The following PLXNA1 variants were observed in gnomAD, a reference collection of about 807,000 sequenced individuals.
PLXNA1 encodes plexin A1, also known as plexin-A1.
A neutral mutation model predicts 191.7 loss-of-function variants in PLXNA1; 77 were observed. The ratio of observed to expected loss-of-function variants is 0.40; its 90% CI spans 0.33 to 0.49. PLXNA1 has a LOEUF of 0.49. PLXNA1 is among the 20% of genes least tolerant of loss of function. PLXNA1 has a pLI of 0.63. For missense variants in PLXNA1, 2,110 were observed against 2,660.2 expected (o/e 0.79, Z 4.55); for synonymous variants, 1,137 against 1,156.4 (o/e 0.98, Z 0.34).
chr3:126,998,447 C>T (rs558853143), intron 3 of PLXNA1, among the ~76,000 whole-genome samples: 34 of 152,160 alleles, frequency 2.2e-4, no homozygotes, highest in Non-Finnish European at 4.3e-4. Flanking sequence ...GTGCTGGTGA[C>T]AGCCTGGCTG....
At chr3:126,991,811 G>A (rs1015949159) in intron 3 of PLXNA1, among the ~76,000 whole-genome samples, 3 of 152,172 alleles carry the variant, frequency 2.0e-5, no homozygotes, top group Admixed American at 2.0e-4. Context: ...CCACGCAGGA[G>A]CCTGTGCAGG....
rs758015230 is a variant in PLXNA1 at position 126,989,430 on chromosome 3, G to A, written c.837G>A (p.Thr279=). The stretch of plus-strand genomic sequence containing the variant: ...ATGCCGCCGGCGAGCACTTCTTCAC[G>A]TCCAAGATCGTGCGGCTCTGTGTGG... ...SPDAAGEHFF[T]SKIVRLCVDD... is the part of the protein sequence containing the mutation. The change falls in exon 2 of 32, where the codon ACG becomes ACA. Residue 279 remains threonine, a synonymous_variant. Transcript: ENST00000393409. 72 of 1,613,472 alleles carry A rather than the reference G, an allele frequency of 4.5e-5. No individual in the cohort carries two copies. In the South Asian group the frequency reaches 5.5e-4, roughly 12 times the overall value.
At chr3:127,019,981 C>A (rs1559963531) in intron 20 of PLXNA1, among the ~76,000 whole-genome samples, 1 of 152,228 alleles carries the variant, frequency 6.6e-6, no homozygotes, top group Non-Finnish European at 1.5e-5. Flanking sequence ...TTTCTCTGCC[C>A]TTGTCTTGCT....
chr3:127,029,886 G>C lies in PLXNA1; in HGVS notation c.4883G>C (p.Arg1628Pro). 6.2e-7 allele frequency: 1 copy of C among 1,609,454 alleles called. No individual in the cohort carries two copies. The highest frequency in any genetic ancestry group is 8.5e-7 in the Non-Finnish European group (1 of 1,177,270). Reference protein sequence around the residue: ...KSLSRYESMLRTASSPDSLRS... With the variant: ...KSLSRYESMLPTASSPDSLRS... Reference sequence around the variant, plus strand: ...CCTGGTGCTGCAGAGAGCATGCTGCGCACGGCCAGCAGCCCCGACAGCCTG... The same window carrying C: ...CCTGGTGCTGCAGAGAGCATGCTGCCCACGGCCAGCAGCCCCGACAGCCTG... The change falls in exon 28 of 32, where the codon CGC becomes CCC. Residue 1628 changes from arginine to proline, a missense_variant. Arg to Pro is a moderately radical substitution (Grantham distance 103). Coordinates refer to ENST00000393409, the MANE Select transcript of PLXNA1 (RefSeq NM_032242.4).
In PLXNA1 at chr3:127,034,283, C is replaced by A; in HGVS notation, c.*266C>A. 1 of 410,618 alleles carries A rather than the reference C, an allele frequency of 2.4e-6. No homozygotes were observed. The highest frequency in any genetic ancestry group is 4.4e-6 in the Non-Finnish European group (1 of 228,384). 25.4% of individuals were successfully genotyped at this position (410,618 alleles called of 1,614,324 possible). A position where few individuals can be genotyped will look rare whatever the true frequency, so the allele number is the denominator to read the frequency against. On this transcript the variant is annotated 3_prime_UTR_variant, in exon 32 of 32. Coordinates refer to ENST00000393409, the MANE Select transcript of PLXNA1 (RefSeq NM_032242.4). ...CTGGGTGCTCAGGCTGGCCAAGGAC[C>A]TTCATTGCCTGGCAAGAGCTGCCCA...
At position 127,020,384 on chromosome 3, in the gene PLXNA1, G is replaced by A. The variant is rs565518777; in HGVS notation, c.4038+40G>A. 1.1e-5 allele frequency: 18 copies of A among 1,604,780 alleles called. No individual in the cohort carries two copies. The Admixed American group carries it at 1.8e-4, about 16-fold the overall frequency. The stretch of plus-strand genomic sequence containing the variant: ...TCCGGGGGGTCACAGGAACTCAGAG[G>A]CAGCTGCTATCTTCTGCCTTTGAGG... On this transcript the variant is annotated intron_variant, in intron 21 of 31. Coordinates refer to ENST00000393409, the MANE Select transcript of PLXNA1 (RefSeq NM_032242.4).
Position 127,006,066 on chromosome 3 carries a change from G to T in PLXNA1, c.1898-13G>T. The T allele has an allele frequency of 6.2e-7, 1 of 1,609,086 alleles. No homozygotes were observed. The highest frequency in any genetic ancestry group is 8.5e-7 in the Non-Finnish European group (1 of 1,175,704). On this transcript the variant is annotated splice_polypyrimidine_tract_variant and intron_variant, in intron 7 of 31. Coordinates refer to ENST00000393409, the MANE Select transcript of PLXNA1 (RefSeq NM_032242.4). ...CAAGCAGTCCTGGTGACTCAGCCATGCTGCTCGTGCAGGAGACCAGCGGGT... is the reference window on the plus strand; with the variant it reads ...CAAGCAGTCCTGGTGACTCAGCCATTCTGCTCGTGCAGGAGACCAGCGGGT...
Position 127,029,569 on chromosome 3 carries a change from G to GA in PLXNA1, c.4870+33_4870+34insA, listed in dbSNP as rs1559966681. On this transcript the variant is annotated intron_variant, in intron 27 of 31. Coordinates refer to ENST00000393409, the MANE Select transcript of PLXNA1 (RefSeq NM_032242.4). ...GCCAGGCAGCGGGCGAGAGGGCAGC[G>GA]CATGGGTCCCTGGCCTGGGCAGGAC... 6 of 1,597,988 alleles carry GA rather than the reference G, an allele frequency of 3.8e-6. No individual in the cohort carries two copies. In the East Asian group the frequency reaches 1.1e-4, roughly 30 times the overall value.
intron 22 of PLXNA1, 41 bp from the exon 23 acceptor site, chr3:127,022,711 G>C: frequency 6.3e-7 from 1 of 1,586,090 alleles, no homozygotes; most frequent in South Asian, 1.1e-5. Context: ...CTGCTGGACA[G>C]CTGGAATGAC....
At chr3:127,027,638 C>T (rs939108167) in intron 23 of PLXNA1, 1 of 540,366 alleles carries the variant, frequency 1.9e-6, no homozygotes, top group Admixed American at 2.2e-5. Context: ...CCTCGGCCCT[C>T]CCTGATGCAG....
At position 126,988,510 on chromosome 3, in the gene PLXNA1, C is replaced by T; in HGVS notation, c.-73-11C>T. 3.3e-6 allele frequency: 4 copies of T among 1,230,222 alleles called. No individual in the cohort carries two copies. The highest frequency in any genetic ancestry group is 3.3e-6 in the Non-Finnish European group (3 of 912,044). 76.2% of individuals were successfully genotyped at this position (1,230,222 alleles called of 1,614,324 possible). A position where few individuals can be genotyped will look rare whatever the true frequency, so the allele number is the denominator to read the frequency against. On this transcript the variant is annotated splice_polypyrimidine_tract_variant and intron_variant, in intron 1 of 31. Transcript: ENST00000393409. ...CCTGCATTCACATGCCCTCTTCTGC[C>T]CCTTCCCCAGGGCTGAAGCTCCTGG...
rs750473154 is a variant in PLXNA1 at position 127,015,268 on chromosome 3, G to A, written c.2962G>A (p.Ala988Thr). The A allele has an allele frequency of 9.3e-6, 15 of 1,612,748 alleles. No individual in the cohort carries two copies. In the African/African-American group the frequency reaches 9.3e-5, roughly 10 times the overall value. ...WIGIEGSHLN[A>T]GSDVAVSVGG... ...TGGCATCGAGGGAAGCCACCTGAAC[G>A]CAGGCAGTGATGTGGCTGTGTCGGT... Residue 988 changes from alanine (A) to threonine (T), a missense_variant, in exon 15 of 32, where the codon GCA becomes ACA. By Grantham distance (58) the Ala-to-Thr change is moderately conservative (BLOSUM62 0). This residue lies in a region of PLXNA1 where 644 missense variants were observed against 714.3 expected (regional missense o/e 0.90). Coordinates refer to ENST00000393409, the MANE Select transcript of PLXNA1 (RefSeq NM_032242.4).
At chr3:126,995,368 G>C (rs935521163) in intron 3 of PLXNA1, among the ~76,000 whole-genome samples, 7 of 152,282 alleles carry the variant, frequency 4.6e-5, no homozygotes, top group African/African-American at 1.7e-4. Flanking sequence ...CCCTGTTTTG[G>C]GTCCTGTAGC....
chr3:127,004,416 G>T (rs2079055494), intron 4 of PLXNA1, among the ~76,000 whole-genome samples, 195 bp from the exon 5 acceptor site: 1 of 152,214 alleles, frequency 6.6e-6, no homozygotes, highest in African/African-American at 2.4e-5. Flanking sequence ...CTGCCCCCTG[G>T]GTTTCCAGGG....
chr3:127,002,442 C>T (rs1246447643), intron 3 of PLXNA1, among the ~76,000 whole-genome samples: 3 of 152,246 alleles, frequency 2.0e-5, no homozygotes, highest in Non-Finnish European at 4.4e-5. Flanking sequence ...TTTCGCTGGG[C>T]CCTGCTGCCC....
Position 127,028,313 on chromosome 3 carries a change from C to T in PLXNA1, c.4642C>T (p.Arg1548Trp), listed in dbSNP as rs758060819. ...AAYKGVPYSQ[R>W]PKAADMDLEW... ...CTACAAGGGCGTGCCCTACTCCCAG[C>T]GGCCCAAGGCCGCGGACATGGACCT... Residue 1548 changes from arginine (R) to tryptophan (W), a missense_variant, in exon 25 of 32, where the codon CGG becomes TGG. Transcript: ENST00000393409. The T allele has an allele frequency of 1.2e-6, 2 of 1,612,058 alleles. No individual in the cohort carries two copies. Among genetic ancestry groups the T allele is most frequent in the Non-Finnish European group, 1.7e-6 (2 of 1,179,834 alleles).
At chr3:126,988,462 A>G (rs1276052519) in intron 1 of PLXNA1, 59 bp from the exon 2 acceptor site, 10 of 834,908 alleles carry the variant, frequency 1.2e-5, no homozygotes, top group Non-Finnish European at 1.8e-5. Flanking sequence ...CTGGGAGATC[A>G]TAATATCATG....
At chr3:127,024,880 G>GT (rs1225065910) in intron 23 of PLXNA1, among the ~76,000 whole-genome samples, 4 of 152,126 alleles carry the variant, frequency 2.6e-5, no homozygotes, top group Admixed American at 6.5e-5. Context: ...CATATCTGGG[G>GT]TTTTTTTGTT....
chr3:127,022,695 C>A, intron 22 of PLXNA1, 57 bp from the exon 23 acceptor site: 1 of 1,489,938 alleles, frequency 6.7e-7, no homozygotes, highest in Non-Finnish European at 9.4e-7. Context: ...TGCAGGGGCC[C>A]TGTGCCTGCT....
Sources: allele counts gnomAD v4.1 joint callset (sites outside exome capture counted in the v4.1 genomes callset), GRCh38; gene constraint gnomAD v4.1.1; regional missense constraint gnomAD v4.1.1; transcripts MANE v1.5; gene names NCBI Gene and HGNC (gene_info 2026-07-23, HGNC 2026-07-21).